The following LSAMP variants were observed in gnomAD, a reference collection of about 807,000 sequenced individuals.
The protein encoded by LSAMP is limbic system associated membrane protein.
A neutral mutation model predicts 38.6 loss-of-function variants in LSAMP; 7 were observed. The ratio of observed to expected loss-of-function variants is 0.18; its 90% CI spans 0.10 to 0.34. LSAMP has a LOEUF of 0.34. Among genes scored for constraint, LSAMP ranks in the 10% least tolerant of loss-of-function variants. LSAMP has a pLI of 1.00. For missense variants in LSAMP, 313 were observed against 420.0 expected, an observed-to-expected ratio of 0.75 and a Z score of 2.23; for synonymous variants, 154 against 166.8, an observed-to-expected ratio of 0.92 and a Z score of 0.59.
chr3:116,273,683 C>CATATATATAT (rs1553719897), intron 1 of LSAMP, among the ~76,000 whole-genome samples: 2 of 50,500 alleles, frequency 4.0e-5, no homozygotes, highest in Non-Finnish European at 3.2e-5. Context: ...GAGAAAGAGG[C>CATATATATAT]ATATATATAT....
intron 6 of LSAMP, among the ~76,000 whole-genome samples, chr3:115,824,356 G>A (rs1185425622): frequency 6.6e-6 from 1 of 152,112 alleles, no homozygotes; most frequent in Non-Finnish European, 1.5e-5. Flanking sequence ...CTGGCCCTTT[G>A]ACCTTTGTTG....
chr3:116,245,791 T>C (rs1387895586), intron 1 of LSAMP, among the ~76,000 whole-genome samples: 1 of 152,192 alleles, frequency 6.6e-6, no homozygotes, highest in African/African-American at 2.4e-5. Flanking sequence ...ACACAAGTTT[T>C]GATTCTAAGG....
chr3:116,426,838 G>A (rs1343780949), intron 1 of LSAMP, among the ~76,000 whole-genome samples: 2 of 151,598 alleles, frequency 1.3e-5, no homozygotes, highest in African/African-American at 4.8e-5. Flanking sequence ...ATTATAAGCC[G>A]AAGTAGACTA....
Position 116,392,063 on chromosome 3 carries a change from C to T in LSAMP, c.155+52814G>A, listed in dbSNP as rs541184275. 4.6e-5 allele frequency among the ~76,000 whole-genome samples: 7 copies of T among 152,290 alleles called. No homozygotes were observed. In the East Asian group the frequency reaches 9.7e-4, roughly 21 times the overall value. ...GCATCCAGACCATGGAAAGAAATTG[C>T]GGAGATATCACACCTGCCCTGAAAG... is the stretch of plus-strand genomic sequence containing the variant. On this transcript the variant is annotated intron_variant, in intron 1 of 6. Coordinates refer to ENST00000490035, the MANE Select transcript of LSAMP (RefSeq NM_002338.5).
chr3:115,942,954 C>G (rs1299089670), intron 3 of LSAMP, among the ~76,000 whole-genome samples: 1 of 152,092 alleles, frequency 6.6e-6, no homozygotes, highest in Non-Finnish European at 1.5e-5. Flanking sequence ...GGGAGATGAG[C>G]TAGGCTCAAA....
At chr3:116,153,526 C>T (rs1238962476) in intron 1 of LSAMP, among the ~76,000 whole-genome samples, 1 of 152,082 alleles carries the variant, frequency 6.6e-6, no homozygotes, top group African/African-American at 2.4e-5. Context: ...AGTTTCAGGG[C>T]TGGAAAGACC....
At chr3:116,190,713 CT>C (rs1378118848) in intron 1 of LSAMP, among the ~76,000 whole-genome samples, 2 of 152,096 alleles carry the variant, frequency 1.3e-5, no homozygotes, top group Non-Finnish European at 1.5e-5. Context: ...GTTAACAAGC[CT>C]TCTTAGCCAC....
intron 1 of LSAMP, among the ~76,000 whole-genome samples, chr3:116,175,445 T>C (rs928279225): frequency 3.9e-5 from 6 of 152,112 alleles, no homozygotes; most frequent in Admixed American, 2.6e-4. Context: ...TTGTTAACTA[T>C]AGTCGTCCTA....
rs1253165214 is a variant in LSAMP at position 115,803,573 on chromosome 3, A to C, written c.*6744T>G. The C allele has an allele frequency of 6.6e-6, 1 of 152,178 alleles. No homozygotes were observed. Among genetic ancestry groups the C allele is most frequent in the Non-Finnish European group, 1.5e-5 (1 of 68,026 alleles). The allele number at this position is 152,178 out of a possible 1,614,324, so 9.4% of individuals were successfully genotyped here. A position where few individuals can be genotyped will look rare whatever the true frequency, so the allele number is the denominator to read the frequency against. ...GATTTTGGCCTTCACAACAATTCAT[A>C]CTGTCTTCAACTCTGTAACCTCCTA... is the stretch of plus-strand genomic sequence containing the variant. On this transcript the variant is annotated 3_prime_UTR_variant, in exon 7 of 7. Coordinates refer to ENST00000490035, the MANE Select transcript of LSAMP (RefSeq NM_002338.5).
intron 1 of LSAMP, among the ~76,000 whole-genome samples, chr3:116,193,837 T>G (rs1292917809): frequency 2.6e-5 from 4 of 152,072 alleles, no homozygotes; most frequent in Admixed American, 2.6e-4. Flanking sequence ...AAACACCAGC[T>G]AAAACAACAA....
intron 1 of LSAMP, among the ~76,000 whole-genome samples, chr3:116,226,641 T>C (rs1185414624): frequency 2.6e-5 from 4 of 152,238 alleles, no homozygotes; most frequent in African/African-American, 7.2e-5. Flanking sequence ...CAGAATTACA[T>C]ATTAGGTAGT....
At chr3:116,183,376 G>T (rs567584194) in intron 1 of LSAMP, among the ~76,000 whole-genome samples, 1 of 151,966 alleles carries the variant, frequency 6.6e-6, no homozygotes, top group Non-Finnish European at 1.5e-5. Context: ...GTAAGACAAT[G>T]ACCTTGAAAA....
At chr3:116,444,780 G>C (rs2049482784) in intron 1 of LSAMP, 97 bp downstream of exon 1, 1 of 1,471,720 alleles carries the variant, frequency 6.8e-7, no homozygotes, top group Admixed American at 1.9e-5. Context: ...GGAGTTCAAG[G>C]AGATCAGACA....
chr3:116,236,650 A>G (rs1017109954), intron 1 of LSAMP, among the ~76,000 whole-genome samples: 12 of 152,118 alleles, frequency 7.9e-5, no homozygotes, highest in Non-Finnish European at 1.5e-4. Flanking sequence ...GAGATTTACA[A>G]TTGAGCCAAT....
At chr3:116,246,228 T>G (rs1045197485) in intron 1 of LSAMP, among the ~76,000 whole-genome samples, 3 of 152,226 alleles carry the variant, frequency 2.0e-5, no homozygotes, top group African/African-American at 7.2e-5. Flanking sequence ...ACATTCTTAT[T>G]CTTCCATCAT....
At chr3:115,971,117 C>A (rs997411934) in intron 3 of LSAMP, among the ~76,000 whole-genome samples, 1 of 152,014 alleles carries the variant, frequency 6.6e-6, no homozygotes, top group Admixed American at 6.6e-5. Context: ...GGATAGGCAG[C>A]GCATATAGGG....
In LSAMP at chr3:115,899,559, C is replaced by G. The variant is rs548308762; in HGVS notation, c.515-46942G>C. Among the ~76,000 whole-genome samples the G allele has an allele frequency of 7.2e-5, 11 of 152,258 alleles. 2 individuals carry two copies. In the South Asian group the frequency reaches 2.3e-3, roughly 32 times the overall value. ...ATTTTTAAACCATGTCCTTGGAACA[C>G]AATGAGTATTCAATAAGGGATGTAG... On this transcript the variant is annotated intron_variant, in intron 3 of 6. Coordinates refer to ENST00000490035, the MANE Select transcript of LSAMP (RefSeq NM_002338.5).
intron 6 of LSAMP, among the ~76,000 whole-genome samples, chr3:115,840,878 CT>C (rs1934976595): frequency 6.6e-6 from 1 of 152,018 alleles, no homozygotes; most frequent in Non-Finnish European, 1.5e-5. Flanking sequence ...AATAACAGTA[CT>C]TTTTTTAGAC....
intron 4 of LSAMP, among the ~76,000 whole-genome samples, chr3:115,848,817 T>G (rs960797710): frequency 6.6e-6 from 1 of 152,178 alleles, no homozygotes; most frequent in African/African-American, 2.4e-5. Flanking sequence ...AGCTGTTCAA[T>G]GGGGCGGGGA....
Sources: gnomAD v4.1 joint callset for allele counts (sites outside exome capture counted in the v4.1 genomes callset) on GRCh38, gnomAD v4.1.1 for gene constraint, MANE v1.5 for transcripts, NCBI Gene and HGNC (gene_info 2026-07-23, HGNC 2026-07-21) for gene names.